The following PTPRN2 variants were observed in gnomAD, a reference collection of about 807,000 sequenced individuals.
PTPRN2 encodes the protein protein tyrosine phosphatase receptor type N2.
A neutral mutation model predicts 118.8 loss-of-function variants in PTPRN2; 74 were observed. The observed-to-expected ratio is 0.62, with a 90% CI of 0.52 to 0.76. PTPRN2 has a LOEUF of 0.76. PTPRN2 is among the 30% of genes least tolerant of loss of function. PTPRN2 has a pLI of 0.00. For synonymous variants in PTPRN2, 641 were observed against 608.0 expected (o/e 1.05, Z -0.80); for missense variants, 1,481 against 1,394.4 (o/e 1.06, Z -0.99).
chr7:158,488,397 C>A (rs1821186080), intron 2 of PTPRN2, among the ~76,000 whole-genome samples: 1 of 152,202 alleles, frequency 6.6e-6, no homozygotes, highest in Non-Finnish European at 1.5e-5. Context: ...AAGCTGCCGC[C>A]GCTGAGGACC....
intron 12 of PTPRN2, among the ~76,000 whole-genome samples, chr7:157,698,895 T>C (rs1797936782): frequency 6.6e-6 from 1 of 152,224 alleles, no homozygotes; most frequent in East Asian, 1.9e-4. Context: ...ATTCCTTAGA[T>C]TGAATGTTTG....
chr7:158,170,742 C>T lies in PTPRN2; in HGVS notation c.550-3451G>A, dbSNP rs962164123. ...TGGGCAGTAAAGAAAAGTATTCTCA[C>T]GCTGACTGGCTCTTTCACGGTTTGA... On this transcript the variant is annotated intron_variant, in intron 5 of 22. Coordinates refer to ENST00000389418, the MANE Select transcript of PTPRN2 (RefSeq NM_002847.5). Among the ~76,000 whole-genome samples the T allele has an allele frequency of 7.9e-5, 12 of 152,258 alleles. No homozygotes were observed. The South Asian group carries it at 8.3e-4, about 11-fold the overall frequency.
chr7:158,408,771 A>G (rs1026558864), intron 2 of PTPRN2, among the ~76,000 whole-genome samples: 3 of 152,206 alleles, frequency 2.0e-5, no homozygotes, highest in African/African-American at 7.2e-5. Flanking sequence ...AATCGGATCA[A>G]AAGTTCACAT....
At chr7:157,586,797 T>C (rs1585067679) in intron 17 of PTPRN2, among the ~76,000 whole-genome samples, 1 of 152,340 alleles carries the variant, frequency 6.6e-6, no homozygotes, top group South Asian at 2.1e-4. Flanking sequence ...CTCAGGGCCC[T>C]GCCTCCCACA....
At chr7:158,191,238 C>G (rs1447942804) in intron 5 of PTPRN2, among the ~76,000 whole-genome samples, 2 of 152,212 alleles carry the variant, frequency 1.3e-5, no homozygotes, top group Non-Finnish European at 2.9e-5. Context: ...CATTGCTTCC[C>G]ACACATATCC....
At chr7:158,392,103 T>C (rs1811972815) in intron 2 of PTPRN2, among the ~76,000 whole-genome samples, 1 of 152,106 alleles carries the variant, frequency 6.6e-6, no homozygotes, top group Non-Finnish European at 1.5e-5. Flanking sequence ...GGGTGACCTT[T>C]GGCCAAGGGA....
intron 12 of PTPRN2, among the ~76,000 whole-genome samples, chr7:157,788,822 G>A (rs990597722): frequency 6.6e-6 from 1 of 152,172 alleles, no homozygotes; most frequent in Non-Finnish European, 1.5e-5. Context: ...TGAGGCTGCC[G>A]GCCCACTTCT....
chr7:158,178,960 A>G (rs1001999289), intron 5 of PTPRN2, among the ~76,000 whole-genome samples: 20 of 152,204 alleles, frequency 1.3e-4, no homozygotes, highest in Admixed American at 1.1e-3. Flanking sequence ...ATTGTGCTGC[A>G]ATAAACATAT....
At chr7:158,189,128 C>G (rs1220158956) in intron 5 of PTPRN2, among the ~76,000 whole-genome samples, 1 of 152,232 alleles carries the variant, frequency 6.6e-6, no homozygotes, top group East Asian at 1.9e-4. Context: ...CAAAGACCTT[C>G]ACTCTCAACG....
At chr7:157,951,094 C>T (rs1267993572) in intron 11 of PTPRN2, among the ~76,000 whole-genome samples, 1 of 152,130 alleles carries the variant, frequency 6.6e-6, no homozygotes, top group African/African-American at 2.4e-5. Flanking sequence ...GTACTCCTGG[C>T]AGGACCCCAA....
chr7:157,618,973 C>T lies in PTPRN2; in HGVS notation c.2344+2389G>A, dbSNP rs1585120918. On this transcript the variant is annotated intron_variant, in intron 15 of 22. Coordinates refer to ENST00000389418, the MANE Select transcript of PTPRN2 (RefSeq NM_002847.5). This position sits in a 1 kb window ranked among gnomAD's most constrained non-coding sequence, Gnocchi z 4.2. ...GCTTTCCCCCTCACCCGTCACCTGGCTCAGAATGGGCAGGGCTGTCCTGAT... is the reference window on the plus strand; with the variant it reads ...GCTTTCCCCCTCACCCGTCACCTGGTTCAGAATGGGCAGGGCTGTCCTGAT... Among the ~76,000 whole-genome samples the T allele has an allele frequency of 4.6e-5, 7 of 152,240 alleles. No homozygotes were observed. The East Asian group carries it at 1.4e-3, about 30-fold the overall frequency.
rs539908897 is a variant in PTPRN2, at chr7:158,557,160, C to T, written c.112+30398G>A. Reference sequence around the variant, plus strand: ...GGCTCCCGGGCAGGGCAGGCGGCTCCCACGCAGGTCAGGCGGCTCCCGCGC... The same window carrying T: ...GGCTCCCGGGCAGGGCAGGCGGCTCTCACGCAGGTCAGGCGGCTCCCGCGC... On this transcript the variant is annotated intron_variant, in intron 1 of 22. Transcript: ENST00000389418. Among the ~76,000 whole-genome samples, 84 of 145,138 alleles carry T rather than the reference C, an allele frequency of 5.8e-4. 1 individual carries two copies. The South Asian group carries it at 0.017, about 29-fold the overall frequency.
At chr7:157,992,535 C>T (rs1205993485) in intron 11 of PTPRN2, among the ~76,000 whole-genome samples, 1 of 152,204 alleles carries the variant, frequency 6.6e-6, no homozygotes. Flanking sequence ...TTTAATAACA[C>T]ATTAGAATAC....
chr7:158,483,041 C>A (rs915900480), intron 2 of PTPRN2, among the ~76,000 whole-genome samples: 1 of 152,210 alleles, frequency 6.6e-6, no homozygotes, highest in Non-Finnish European at 1.5e-5. Context: ...TCCAGACAGG[C>A]CTTGCTGAGC....
chr7:158,311,144 C>G (rs1801695534), intron 3 of PTPRN2, among the ~76,000 whole-genome samples: 1 of 152,212 alleles, frequency 6.6e-6, no homozygotes, highest in African/African-American at 2.4e-5. Context: ...GCTCCCCTGA[C>G]CTGTGCCGGC....
chr7:158,115,247 G>A (rs1816637278), intron 9 of PTPRN2, among the ~76,000 whole-genome samples: 1 of 152,152 alleles, frequency 6.6e-6, no homozygotes, highest in Non-Finnish European at 1.5e-5. Context: ...GACCAGAGGA[G>A]ACAGAAGGGA....
chr7:158,517,900 C>T lies in PTPRN2; in HGVS notation c.113-28115G>A, dbSNP rs1052178360. 6.6e-6 allele frequency among the ~76,000 whole-genome samples: 1 copy of T among 152,208 alleles called. No homozygotes were observed. The highest frequency in any genetic ancestry group is 2.4e-5 in the African/African-American group (1 of 41,442). ...GCCACTGCAGAAAAACCTTCCCTCC[C>T]CCCCAGTCTGACTAGAGTCCACTCA... On this transcript the variant is annotated intron_variant, in intron 1 of 22. Coordinates refer to ENST00000389418, the MANE Select transcript of PTPRN2 (RefSeq NM_002847.5). This position sits in a 1 kb window ranked among gnomAD's most constrained non-coding sequence, Gnocchi z 5.3.
rs148697673 is a variant in PTPRN2, at chr7:158,040,340, C to T, written c.1723+40958G>A. On this transcript the variant is annotated intron_variant, in intron 11 of 22. Coordinates refer to ENST00000389418, the MANE Select transcript of PTPRN2 (RefSeq NM_002847.5). ...ACACACAGATGCACACACACGGACA[C>T]GCACACACATGCATATACACATGCA... 8.5e-3 allele frequency among the ~76,000 whole-genome samples: 1,286 copies of T among 152,058 alleles called. 13 individuals carry two copies. The highest frequency in any genetic ancestry group is 0.029 in the African/African-American group (1,197 of 41,456).
At chr7:158,369,056 G>A (rs1809752427) in intron 2 of PTPRN2, among the ~76,000 whole-genome samples, 1 of 152,036 alleles carries the variant, frequency 6.6e-6, no homozygotes, top group South Asian at 2.1e-4. Flanking sequence ...AGAATATAAA[G>A]CAGGCAGAAT....
Sources: allele counts gnomAD v4.1 joint callset (sites outside exome capture counted in the v4.1 genomes callset), GRCh38; gene constraint gnomAD v4.1.1; non-coding constraint Gnocchi (gnomAD v3.1); transcripts MANE v1.5; gene names NCBI Gene and HGNC (gene_info 2026-07-23, HGNC 2026-07-21).